Variants in EYS observed in about 807,000 individuals in gnomAD.
EYS encodes EGF-like photoreceptor maintenance factor.
EYS carries 250 observed loss-of-function variants against 282.1 expected under a neutral mutation model. That is an observed-to-expected ratio of 0.89 (90% CI 0.80 to 0.98). EYS has a LOEUF of 0.98. EYS is among the 50% of genes least tolerant of loss of function. EYS has a pLI of 0.00. For missense variants in EYS, 4,016 were observed against 3,709.0 expected, an observed-to-expected ratio of 1.08 and a Z score of -2.15; for synonymous variants, 1,355 against 1,282.9, an observed-to-expected ratio of 1.06 and a Z score of -1.20.
intron 31 of EYS, among the ~76,000 whole-genome samples, chr6:64,146,843 G>C (rs550176099): frequency 1.3e-5 from 2 of 152,136 alleles, no homozygotes; most frequent in African/African-American, 4.8e-5. Flanking sequence ...ACTGAAATTA[G>C]AAGTGAGCCT....
At chr6:64,367,287 G>C (rs1476207441) in intron 29 of EYS, among the ~76,000 whole-genome samples, 1 of 151,986 alleles carries the variant, frequency 6.6e-6, no homozygotes, top group East Asian at 1.9e-4. Flanking sequence ...AAAATAGAAA[G>C]AAATGTGTCT....
At chr6:65,166,728 G>T (rs1054714880) in intron 12 of EYS, among the ~76,000 whole-genome samples, 1 of 150,888 alleles carries the variant, frequency 6.6e-6, no homozygotes, top group African/African-American at 2.4e-5. Context: ...TGTTTCAAAG[G>T]ACACCATCAG....
intron 15 of EYS, among the ~76,000 whole-genome samples, chr6:64,914,739 A>G (rs1768108494): frequency 2.6e-5 from 4 of 152,284 alleles, no homozygotes; most frequent in Middle Eastern, 6.8e-3. Context: ...ATTGACTAAT[A>G]AAGTGTTTAC....
chr6:64,830,198 C>T (rs754551011), intron 19 of EYS, among the ~76,000 whole-genome samples: 25 of 151,976 alleles, frequency 1.6e-4, no homozygotes, highest in African/African-American at 2.2e-4. Context: ...CAGAAAATGA[C>T]TTTCACTGGA....
intron 33 of EYS, among the ~76,000 whole-genome samples, chr6:64,065,177 T>C (rs1359194781): frequency 6.6e-6 from 1 of 152,174 alleles, no homozygotes; most frequent in East Asian, 1.9e-4. Flanking sequence ...AGAAGTTTCA[T>C]TTTCAGATTG....
chr6:65,014,302 G>A (rs1468572834), intron 13 of EYS, among the ~76,000 whole-genome samples: 1 of 152,222 alleles, frequency 6.6e-6, no homozygotes, highest in Non-Finnish European at 1.5e-5. Context: ...GAGACCATGA[G>A]TAGAGAACTC....
intron 12 of EYS, among the ~76,000 whole-genome samples, chr6:65,148,270 T>C (rs1419518918): frequency 6.6e-6 from 1 of 152,166 alleles, no homozygotes; most frequent in Non-Finnish European, 1.5e-5. Context: ...GCAAGTTAGT[T>C]AATTCCTTGG....
chr6:64,631,656 T>G (rs1195437012), intron 22 of EYS: 1 of 152,036 alleles, frequency 6.6e-6, no homozygotes, highest in African/African-American at 2.4e-5. Flanking sequence ...ATTTTACCAC[T>G]CCAAAAACAG....
At chr6:63,880,487 G>GTATCTATCTATCTATCATC (rs1773102537) in intron 35 of EYS, among the ~76,000 whole-genome samples, 1 of 142,780 alleles carries the variant, frequency 7.0e-6, no homozygotes, top group Admixed American at 7.2e-5. Flanking sequence ...CTGTCTGTCT[G>GTATCTATCTATCTATCATC]TATCTATCTA....
At chr6:63,901,710 A>G (rs1032843790) in intron 35 of EYS, among the ~76,000 whole-genome samples, 17 of 152,228 alleles carry the variant, frequency 1.1e-4, no homozygotes, top group African/African-American at 3.9e-4. Flanking sequence ...TCAGCACTGG[A>G]ATAAGATACA....
At chr6:64,791,039 GTTTC>G (rs1041815864) in intron 22 of EYS, among the ~76,000 whole-genome samples, 3 of 151,682 alleles carry the variant, frequency 2.0e-5, no homozygotes, top group African/African-American at 7.3e-5. Flanking sequence ...TCCTTATGCT[GTTTC>G]TTTCTTCCTT....
At chr6:65,619,002 T>G (rs1388050830) in intron 2 of EYS, among the ~76,000 whole-genome samples, 15 of 152,174 alleles carry the variant, frequency 9.9e-5, no homozygotes, top group Admixed American at 3.9e-4. Context: ...CTCCAGCTTT[T>G]TTCTTTTGGC....
chr6:65,455,749 T>A (rs1764581966), intron 5 of EYS, among the ~76,000 whole-genome samples: 1 of 152,042 alleles, frequency 6.6e-6, no homozygotes, highest in Non-Finnish European at 1.5e-5. Flanking sequence ...GAAAATTGAA[T>A]CGGTAACAAA....
chr6:63,916,098 T>C (rs1214824760), intron 35 of EYS, among the ~76,000 whole-genome samples: 2 of 152,212 alleles, frequency 1.3e-5, no homozygotes, highest in Non-Finnish European at 2.9e-5. Flanking sequence ...GAAGATTTAA[T>C]TGATTTGGCA....
At chr6:64,644,226 T>G (rs1483562174) in intron 22 of EYS, among the ~76,000 whole-genome samples, 1 of 152,192 alleles carries the variant, frequency 6.6e-6, no homozygotes, top group Non-Finnish European at 1.5e-5. Context: ...GAGTCATTCC[T>G]GGATCCAGCT....
intron 1 of EYS, among the ~76,000 whole-genome samples, chr6:65,690,955 G>A (rs886527621): frequency 1.3e-5 from 2 of 150,206 alleles, no homozygotes; most frequent in African/African-American, 4.9e-5. Flanking sequence ...GTGTATATGT[G>A]CCACATTTTT....
chr6:65,451,905 T>C (rs954129246), intron 5 of EYS, among the ~76,000 whole-genome samples: 6 of 151,936 alleles, frequency 3.9e-5, no homozygotes, highest in African/African-American at 1.2e-4. Context: ...ACAACTGTTA[T>C]TTGAACAATT....
At chr6:63,793,417 A>G (rs941740605) in intron 37 of EYS, among the ~76,000 whole-genome samples, 1 of 152,242 alleles carries the variant, frequency 6.6e-6, no homozygotes, top group Non-Finnish European at 1.5e-5. Flanking sequence ...AAGGAAGTAC[A>G]TATGCATGCA....
chr6:65,519,517 G>T (rs2127297226), intron 2 of EYS, among the ~76,000 whole-genome samples: 1 of 147,382 alleles, frequency 6.8e-6, no homozygotes, highest in Non-Finnish European at 1.5e-5. Flanking sequence ...AATCTATAAA[G>T]GTTAATATAA....
Sources: gnomAD v4.1 joint callset for allele counts (sites outside exome capture counted in the v4.1 genomes callset) on GRCh38, gnomAD v4.1.1 for gene constraint, MANE v1.5 for transcripts, NCBI Gene and HGNC (gene_info 2026-07-23, HGNC 2026-07-21) for gene names.